WDR90: variants seen among roughly 807,000 people sequenced by gnomAD.
WDR90 encodes the protein WD repeat-containing protein 90.
WDR90 carries 238 observed loss-of-function variants against 195.2 expected under a neutral mutation model. The ratio of observed to expected loss-of-function variants is 1.22; its 90% confidence interval spans 1.10 to 1.36. WDR90 has a LOEUF of 1.36. Among genes scored for constraint, WDR90 ranks in the 40% most tolerant of loss-of-function variants. WDR90 has a pLI of 0.00. For synonymous variants in WDR90, 1,265 were observed against 1,052.4 expected, an observed-to-expected ratio of 1.20 and a Z score of -3.91; for missense variants, 2,734 against 2,439.5, an observed-to-expected ratio of 1.12 and a Z score of -2.54.
rs112132185 is a variant in WDR90 at position 658,539 on chromosome 16, C to T, written c.2781C>T (p.His927=). 973 of 1,612,180 alleles carry T rather than the reference C, an allele frequency of 6.0e-4. 8 individuals are homozygous for T. In the African/African-American group the frequency reaches 9.9e-3, roughly 16 times the overall value. ...CTGTGTTCCAGCTGCCCGGTGTCCA[C>T]CCTGAGCCCTGCCCCTCCTTGACGC... ...GRIIRELPGV[H]PEPCPSLTLS... is the part of the protein sequence containing the mutation. Residue 927 remains histidine (H), a synonymous_variant, in exon 23 of 41, where the codon CAC becomes CAT. Transcript: ENST00000293879.
At chr16:658,109 T>C (rs1596464233) in intron 21 of WDR90, 74 bp from the exon 22 acceptor site, 1 of 1,545,862 alleles carries the variant, frequency 6.5e-7, no homozygotes. Context: ...GGGACCTCCC[T>C]CCCGAGCCTG....
In WDR90 at chr16:655,824, TG is replaced by T. The variant is rs754086125; in HGVS notation, c.1904del (p.Gly635AlafsTer156). 6.3e-7 allele frequency: 1 copy of T among 1,597,040 alleles called. No individual in the cohort carries two copies. Among genetic ancestry groups the T allele is most frequent in the South Asian group, 1.1e-5 (1 of 88,704 alleles). On this transcript the variant is annotated frameshift_variant, in exon 17 of 41. Transcript: ENST00000293879. LOFTEE classifies it high-confidence loss of function. ...SLSVSPAMCA[V>X]GSEDGFLRLW... is the part of the protein sequence containing the mutation. ...AGCGTCTCCCCGGCCATGTGTGCTG[TG>T]GGCTCTGAGGACGGCTTCTTGCGGC...
intron 20 of WDR90, chr16:657,440 A>G (rs2037784577): frequency 4.9e-6 from 4 of 815,678 alleles, no homozygotes; most frequent in Non-Finnish European, 7.4e-6. Context: ...GTCTGTGCCC[A>G]GGAGGCGGCA....
intron 13 of WDR90, 108 bp from the exon 14 acceptor site, chr16:654,921 C>G (rs1026618699): frequency 9.7e-7 from 1 of 1,025,826 alleles, no homozygotes; most frequent in Admixed American, 2.1e-5. Context: ...AGAGGCTGGT[C>G]TCCGCATGAG....
In WDR90 at chr16:659,083, C is replaced by T; in HGVS notation, c.3012-3C>T. The T allele has an allele frequency of 3.1e-6, 5 of 1,613,094 alleles. No homozygotes were observed. Among genetic ancestry groups the T allele is most frequent in the African/African-American group, 1.3e-5 (1 of 75,028 alleles). On this transcript the variant is annotated splice_polypyrimidine_tract_variant and splice_region_variant and intron_variant, in intron 24 of 40. Transcript: ENST00000293879. ...CCTGAAACCCTCTCTCCTCCCTCTC[C>T]AGCGACCAAAGCTTCCCCGGGGCCC...
chr16:649,196 C>T, upstream of WDR90: 3 of 449,662 alleles, frequency 6.7e-6, no homozygotes, highest in Non-Finnish European at 1.1e-5. Flanking sequence ...GGGAGGCCCG[C>T]GGGGCAAAGG....
chr16:659,588 G>A (rs1248798539), intron 26 of WDR90, among the ~76,000 whole-genome samples: 1 of 152,162 alleles, frequency 6.6e-6, no homozygotes, highest in Non-Finnish European at 1.5e-5. Context: ...GATGGGGGCA[G>A]CTTTTCCTCT....
At position 660,732 on chromosome 16, in the gene WDR90, A is replaced by G. The variant is rs1596466781; in HGVS notation, c.3391+18A>G. 1 of 1,532,782 alleles carries G rather than the reference A, an allele frequency of 6.5e-7. No homozygotes were observed. 94.9% of individuals were successfully genotyped at this position (1,532,782 alleles called of 1,614,324 possible). A position where few individuals can be genotyped will look rare whatever the true frequency, so the allele number is the denominator to read the frequency against. On this transcript the variant is annotated intron_variant, in intron 28 of 40. Coordinates refer to ENST00000293879, the MANE Select transcript of WDR90 (RefSeq NM_145294.5). Reference sequence around the variant, plus strand: ...GGACACAGGTGGGGGCCAAGAGCCTACCCCCACCCCCAGCCAAGATGCGGC... The same window carrying G: ...GGACACAGGTGGGGGCCAAGAGCCTGCCCCCACCCCCAGCCAAGATGCGGC...
chr16:662,621 C>T (rs2037940956), intron 33 of WDR90, 58 bp from the exon 34 acceptor site: 1 of 1,511,954 alleles, frequency 6.6e-7, no homozygotes, highest in Non-Finnish European at 8.8e-7. Flanking sequence ...ACCCAGCTGG[C>T]TCTTGTCATC....
chr16:650,822 G>C, intron 5 of WDR90, 113 bp downstream of exon 5: 1 of 1,510,788 alleles, frequency 6.6e-7, no homozygotes, highest in Non-Finnish European at 9.0e-7. Context: ...TGCTGTCTCT[G>C]AGCTCTGGCC....
chr16:667,176 C>G (rs1248957950), intron 40 of WDR90, among the ~76,000 whole-genome samples, 187 bp downstream of exon 40: 1 of 152,200 alleles, frequency 6.6e-6, no homozygotes, highest in Non-Finnish European at 1.5e-5. Context: ...GAACCAGGCA[C>G]AGCGCCCAGC....
Position 661,739 on chromosome 16 carries a change from T to C in WDR90, c.3816T>C (p.Thr1272=), listed in dbSNP as rs1728028868. Residue 1272 remains threonine, a synonymous_variant, in exon 31 of 41, where the codon ACT becomes ACC. Transcript: ENST00000293879. The part of the protein sequence containing the change: ...AGELTCVGQG[T]VTFWLLQQRG... ...AGCTCACCTGTGTGGGCCAGGGCAC[T>C]GTCACCTTCTGGCTCCTTCAGCAGC... 1 of 1,611,218 alleles carries C rather than the reference T, an allele frequency of 6.2e-7. No individual in the cohort carries two copies. Among genetic ancestry groups the C allele is most frequent in the Non-Finnish European group, 8.5e-7 (1 of 1,179,144 alleles).
chr16:661,153 C>T lies in WDR90; in HGVS notation c.3494C>T (p.Ala1165Val). 2 of 1,554,130 alleles carry T rather than the reference C, an allele frequency of 1.3e-6. No homozygotes were observed. The highest frequency in any genetic ancestry group is 1.2e-5 in the South Asian group (1 of 85,682). ...SGHSAEISTL[A>V]LSHSAQVLAS... is the part of the protein sequence containing the mutation. ...CACTCTGCGGAGATCTCCACGCTGG[C>T]CCTCAGCCACAGTGCCCAGGTGCCC... is the stretch of plus-strand genomic sequence containing the variant. The change falls in exon 29 of 41, where the codon GCC becomes GTC. Residue 1165 changes from alanine to valine, a missense_variant. Ala to Val is a moderately conservative substitution (Grantham distance 64). Transcript: ENST00000293879.
At position 658,356 on chromosome 16, in the gene WDR90, G is replaced by A. The variant is rs1214766357; in HGVS notation, c.2766+12G>A. 1 of 1,610,738 alleles carries A rather than the reference G, an allele frequency of 6.2e-7. No homozygotes were observed. The highest frequency in any genetic ancestry group is 8.5e-7 in the Non-Finnish European group (1 of 1,178,782). ...GCATCATCCGGGAGGTGAGCCTCAG[G>A]GCTGTGGCCCGCCGACCTGGCCCTC... On this transcript the variant is annotated intron_variant, in intron 22 of 40. Coordinates refer to ENST00000293879, the MANE Select transcript of WDR90 (RefSeq NM_145294.5).
intron 10 of WDR90, among the ~76,000 whole-genome samples, 163 bp downstream of exon 10, chr16:652,698 C>T (rs916516477): frequency 7.2e-5 from 11 of 152,370 alleles, no homozygotes; most frequent in Admixed American, 2.0e-4. Flanking sequence ...CGCTGCTTCC[C>T]GCGTGCTCAG....
intron 28 of WDR90, 47 bp from the exon 29 acceptor site, chr16:661,004 C>CCCG: frequency 2.3e-5 from 2 of 87,634 alleles, no homozygotes; most frequent in Non-Finnish European, 3.3e-5. Context: ...CTCCCCGCCC[C>CCCG]CCCCCCCCCC....
At chr16:650,831 C>T (rs1596458272) in intron 5 of WDR90, 122 bp downstream of exon 5, 3 of 1,488,824 alleles carry the variant, frequency 2.0e-6, no homozygotes, top group African/African-American at 2.8e-5. Context: ...TGAGCTCTGG[C>T]CAGAACCCAT....
chr16:657,780 A>C lies in WDR90; in HGVS notation c.2492A>C (p.Asp831Ala), dbSNP rs533264780. 30 of 1,549,650 alleles carry C rather than the reference A, an allele frequency of 1.9e-5. No individual in the cohort carries two copies. The East Asian group carries it at 6.6e-4, about 34-fold the overall frequency. Residue 831 changes from aspartate to alanine, a missense_variant, in exon 21 of 41, where the codon GAT becomes GCT. Asp to Ala is a moderately radical substitution (Grantham distance 126). Coordinates refer to ENST00000293879, the MANE Select transcript of WDR90 (RefSeq NM_145294.5). ...LRVAADMVCP[D>A]APASPSALAV... Reference sequence around the variant, plus strand: ...GCCACAGCGGACATGGTATGCCCGGATGCCCCCGCGAGCCCCAGCGCCCTG... The same window carrying C: ...GCCACAGCGGACATGGTATGCCCGGCTGCCCCCGCGAGCCCCAGCGCCCTG...
chr16:667,388 C>T (rs1208791315), intron 40 of WDR90, 44 bp from the exon 41 acceptor site: 1 of 1,558,882 alleles, frequency 6.4e-7, no homozygotes. Context: ...CCTCTGAGTG[C>T]TGCCTGGTCC....
Sources: allele counts gnomAD v4.1 joint callset (sites outside exome capture counted in the v4.1 genomes callset), GRCh38; gene constraint gnomAD v4.1.1; transcripts MANE v1.5; gene names NCBI Gene and HGNC (gene_info 2026-07-23, HGNC 2026-07-21).